The following GALNT17 variants were observed in gnomAD, a reference collection of about 807,000 sequenced individuals.
GALNT17 encodes polypeptide N-acetylgalactosaminyltransferase 17.
GALNT17 carries 29 observed loss-of-function variants against 63.7 expected under a neutral mutation model. The observed-to-expected ratio is 0.46, with a 90% CI of 0.34 to 0.62. The LOEUF (loss-of-function observed/expected upper bound fraction) is 0.62, where lower values mean the gene tolerates loss of function less well. Ranked by LOEUF, GALNT17 falls within the 20% of genes least tolerant of loss-of-function variation. GALNT17 has a pLI of 0.01. For missense variants in GALNT17, 603 were observed against 799.6 expected (o/e 0.75, Z 2.97); for synonymous variants, 305 against 318.3 (o/e 0.96, Z 0.45).
intron 5 of GALNT17, among the ~76,000 whole-genome samples, chr7:71,509,948 A>AT (rs1262939925): frequency 4.8e-5 from 2 of 41,990 alleles, no homozygotes; most frequent in Admixed American, 5.4e-4. Context: ...TAAAGTGTAC[A>AT]ATTTTTTTTT....
chr7:71,691,746 C>T (rs1302612605), intron 9 of GALNT17, among the ~76,000 whole-genome samples: 1 of 152,130 alleles, frequency 6.6e-6, no homozygotes, highest in African/African-American at 2.4e-5. Flanking sequence ...TCAGATTGAA[C>T]AATAGAGTGG....
chr7:71,132,807 C>T lies in GALNT17; in HGVS notation c.5C>T (p.Ala2Val). The T allele has an allele frequency of 3.7e-6, 6 of 1,602,146 alleles. No homozygotes were observed. The highest frequency in any genetic ancestry group is 5.1e-6 in the Non-Finnish European group (6 of 1,173,424). The change falls in exon 1 of 11, where the codon GCT (alanine) becomes GTT (valine). Residue 2 changes from alanine (A) to valine (V), a missense_variant. Physicochemically the swap from Ala to Val is moderately conservative, Grantham distance 64. Around this residue, in one of 3 missense-constraint regions of GALNT17, gnomAD observed 195 missense variants for 215.0 expected, o/e 0.91. Transcript: ENST00000333538. ...GAGGGCCGGCCGGGCTGTTTGATGG[C>T]TTCACTGAGAAGAGTCAAAGTGCTG... M[A>V]SLRRVKVLLV...
At chr7:71,188,522 A>G (rs551927100) in intron 1 of GALNT17, among the ~76,000 whole-genome samples, 3 of 152,220 alleles carry the variant, frequency 2.0e-5, no homozygotes, top group African/African-American at 7.2e-5. Context: ...GGCCATTTGT[A>G]TATCTTCTTT....
intron 1 of GALNT17, among the ~76,000 whole-genome samples, chr7:71,274,676 A>C (rs1286547995): frequency 6.6e-6 from 1 of 152,134 alleles, no homozygotes; most frequent in Non-Finnish European, 1.5e-5. Context: ...AAATAGTTCA[A>C]AATACATTAA....
At chr7:71,643,816 C>T (rs186147177) in intron 6 of GALNT17, among the ~76,000 whole-genome samples, 8 of 152,264 alleles carry the variant, frequency 5.3e-5, no homozygotes, top group East Asian at 1.9e-4. Flanking sequence ...CAGAAACAAT[C>T]GTTTAAAAAT....
intron 9 of GALNT17, among the ~76,000 whole-genome samples, chr7:71,704,187 G>C (rs1049737131): frequency 3.9e-5 from 6 of 152,158 alleles, no homozygotes; most frequent in Non-Finnish European, 8.8e-5. Context: ...TGGTTGGTGT[G>C]ATCACAGAGG....
intron 1 of GALNT17, among the ~76,000 whole-genome samples, chr7:71,170,062 C>G (rs1028165193): frequency 6.6e-6 from 1 of 152,044 alleles, no homozygotes; most frequent in East Asian, 1.9e-4. Flanking sequence ...TCATCCTCCA[C>G]ATAGCTGGGA....
At chr7:71,630,403 G>A (rs1276443042) in intron 6 of GALNT17, among the ~76,000 whole-genome samples, 2 of 152,118 alleles carry the variant, frequency 1.3e-5, no homozygotes, top group Non-Finnish European at 2.9e-5. Flanking sequence ...ACACCCATAA[G>A]GCCCCCAGTG....
At chr7:71,635,588 G>A (rs1790517991) in intron 6 of GALNT17, among the ~76,000 whole-genome samples, 1 of 152,140 alleles carries the variant, frequency 6.6e-6, no homozygotes, top group African/African-American at 2.4e-5. Flanking sequence ...CCAGAAAGGG[G>A]TCCTGATCCA....
chr7:71,366,375 GA>G (rs1415933339), intron 2 of GALNT17, among the ~76,000 whole-genome samples: 27 of 152,134 alleles, frequency 1.8e-4, no homozygotes, highest in Admixed American at 1.7e-3. Context: ...GAAGTCAAGA[GA>G]TCGAGACCAT....
At chr7:71,297,364 T>A (rs1191837063) in intron 1 of GALNT17, among the ~76,000 whole-genome samples, 2 of 152,166 alleles carry the variant, frequency 1.3e-5, no homozygotes. Context: ...ACCAACATGA[T>A]GAAACCCTGT....
rs1380419401 is a variant in GALNT17 at position 71,415,988 on chromosome 7, G to A, written c.689G>A (p.Arg230His). 6 of 1,613,808 alleles carry A rather than the reference G, an allele frequency of 3.7e-6. No homozygotes were observed. Among genetic ancestry groups the A allele is most frequent in the Non-Finnish European group, 1.7e-6 (2 of 1,179,880 alleles). Residue 230 changes from arginine (R) to histidine (H), a missense_variant, in exon 4 of 11, where the codon CGC becomes CAC. Physicochemically the swap from Arg to His is conservative, Grantham distance 29. Coordinates refer to ENST00000333538, the MANE Select transcript of GALNT17 (RefSeq NM_022479.3). ...NQKREGLIRA[R>H]IEGWKVATGQ... Reference sequence around the variant, plus strand: ...AAGAGGGAAGGCCTGATCCGCGCTCGCATTGAGGGCTGGAAGGTGGCTACC... The same window carrying A: ...AAGAGGGAAGGCCTGATCCGCGCTCACATTGAGGGCTGGAAGGTGGCTACC...
intron 5 of GALNT17, among the ~76,000 whole-genome samples, chr7:71,478,630 C>T (rs1787763300): frequency 6.6e-6 from 1 of 152,094 alleles, no homozygotes. Context: ...TCCTGCCTTT[C>T]CAAGATCAAA....
At chr7:71,251,001 C>T (rs930797658) in intron 1 of GALNT17, among the ~76,000 whole-genome samples, 1 of 152,120 alleles carries the variant, frequency 6.6e-6, no homozygotes, top group African/African-American at 2.4e-5. Context: ...TAAGCATTTC[C>T]CCAACATGAC....
chr7:71,453,773 C>G (rs1301206141), intron 5 of GALNT17, among the ~76,000 whole-genome samples: 2 of 152,208 alleles, frequency 1.3e-5, no homozygotes, highest in African/African-American at 4.8e-5. Context: ...TCCCAGACTT[C>G]CGCTCTTGAC....
intron 8 of GALNT17, among the ~76,000 whole-genome samples, chr7:71,670,415 AG>A (rs1423614745): frequency 1.3e-5 from 2 of 152,182 alleles, no homozygotes; most frequent in African/African-American, 4.8e-5. Flanking sequence ...GGAGATATTG[AG>A]CAGGAAGTTT....
At chr7:71,162,319 A>G (rs1788363929) in intron 1 of GALNT17, among the ~76,000 whole-genome samples, 2 of 151,606 alleles carry the variant, frequency 1.3e-5, no homozygotes, top group South Asian at 4.2e-4. Flanking sequence ...TTGCCTTTAT[A>G]TATTTGGCTA....
chr7:71,341,198 T>G (rs965794542), intron 2 of GALNT17, among the ~76,000 whole-genome samples: 4 of 151,832 alleles, frequency 2.6e-5, no homozygotes, highest in African/African-American at 9.7e-5. Context: ...AAAACAAAAA[T>G]TAAACGGAGA....
At chr7:71,235,008 T>C (rs1316628223) in intron 1 of GALNT17, among the ~76,000 whole-genome samples, 1 of 152,062 alleles carries the variant, frequency 6.6e-6, no homozygotes, top group East Asian at 1.9e-4. Flanking sequence ...CCTAGCACTT[T>C]GGGAGGCTGA....
Sources: allele counts gnomAD v4.1 joint callset (sites outside exome capture counted in the v4.1 genomes callset), GRCh38; gene constraint gnomAD v4.1.1; regional missense constraint gnomAD v4.1.1; transcripts MANE v1.5; gene names NCBI Gene and HGNC (gene_info 2026-07-23, HGNC 2026-07-21).